BBX: variants seen among roughly 807,000 people sequenced by gnomAD.
BBX encodes BBX high mobility group box domain containing, also known as HMG box transcription factor BBX.
BBX carries 30 observed loss-of-function variants against 100.2 expected under a neutral mutation model. The ratio of observed to expected loss-of-function variants is 0.30; its 90% CI spans 0.22 to 0.41. BBX has a LOEUF of 0.41. Ranked by LOEUF, BBX falls within the 10% of genes least tolerant of loss-of-function variation. The probability of loss-of-function intolerance (pLI) is 1.00; values close to 1 mark genes in which losing one functional copy is unlikely to be tolerated. For synonymous variants in BBX, 376 were observed against 388.1 expected (o/e 0.97, Z 0.37); for missense variants, 1,023 against 1,129.8 (o/e 0.91, Z 1.35).
intron 2 of BBX, among the ~76,000 whole-genome samples, chr3:107,550,593 T>C (rs765676405): frequency 6.6e-6 from 1 of 152,092 alleles, no homozygotes. Flanking sequence ...CAACAGAGTT[T>C]AGGGGCTCCA....
chr3:107,765,185 C>T (rs1186609255), intron 10 of BBX, among the ~76,000 whole-genome samples: 1 of 152,176 alleles, frequency 6.6e-6, no homozygotes, highest in Non-Finnish European at 1.5e-5. Flanking sequence ...TTCCATATGG[C>T]ATAAGGCTCC....
At position 107,778,503 on chromosome 3, in the gene BBX, G is replaced by A. The variant is rs751065797; in HGVS notation, c.2187G>A (p.Pro729=). Reference sequence around the variant, plus strand: ...AGACTGGAAATGTGTCCTCAGAACCGACTAAAACCAGCAAAGGTTAGGTGT... The same window carrying A: ...AGACTGGAAATGTGTCCTCAGAACCAACTAAAACCAGCAAAGGTTAGGTGT... The part of the protein sequence containing the change: ...KKKTGNVSSE[P]TKTSKGPFQS... Residue 729 remains proline (P), a synonymous_variant, in exon 13 of 18, where the codon CCG becomes CCA. Coordinates refer to ENST00000325805, the MANE Select transcript of BBX (RefSeq NM_001142568.3). 11 of 1,612,786 alleles carry A rather than the reference G, an allele frequency of 6.8e-6. No individual in the cohort carries two copies. In the East Asian group the frequency reaches 1.1e-4, roughly 16 times the overall value.
intron 2 of BBX, among the ~76,000 whole-genome samples, chr3:107,592,516 G>A (rs1033877142): frequency 6.6e-6 from 1 of 152,056 alleles, no homozygotes; most frequent in Non-Finnish European, 1.5e-5. Flanking sequence ...TTGGAGTCCA[G>A]TAATACAAGG....
chr3:107,782,548 G>A (rs940867314), intron 13 of BBX, among the ~76,000 whole-genome samples: 4 of 152,020 alleles, frequency 2.6e-5, no homozygotes, highest in African/African-American at 9.7e-5. Flanking sequence ...CCTTGAGAAA[G>A]TATCGTGCTA....
At chr3:107,764,735 G>A (rs1357540494) in intron 10 of BBX, among the ~76,000 whole-genome samples, 1 of 152,228 alleles carries the variant, frequency 6.6e-6, no homozygotes, top group East Asian at 1.9e-4. Flanking sequence ...TTCAAAGCCT[G>A]ATTAATAACT....
At chr3:107,651,836 C>G (rs1167792941) in intron 3 of BBX, among the ~76,000 whole-genome samples, 1 of 152,002 alleles carries the variant, frequency 6.6e-6, no homozygotes, top group Non-Finnish European at 1.5e-5. Context: ...GCTTGAATTT[C>G]TCAACCTGCC....
At chr3:107,591,039 G>C (rs140073027) in intron 2 of BBX, among the ~76,000 whole-genome samples, 205 of 152,320 alleles carry the variant, frequency 1.3e-3, no homozygotes, top group Non-Finnish European at 2.2e-3. Context: ...CAGCTTCCAG[G>C]CATTACCCAC....
rs114994225 is a variant in BBX at position 107,644,978 on chromosome 3, A to G, written c.-83-858A>G. Among the ~76,000 whole-genome samples the G allele has an allele frequency of 6.8e-3, 1,032 of 152,252 alleles. 13 individuals carry two copies. Among genetic ancestry groups the G allele is most frequent in the African/African-American group, 0.024 (982 of 41,554 alleles). Reference sequence around the variant, plus strand: ...GCTAAGCCATAAAATGACTGATATTATATTGATAGAGCCATAAGCCAGAAA... The same window carrying G: ...GCTAAGCCATAAAATGACTGATATTGTATTGATAGAGCCATAAGCCAGAAA... On this transcript the variant is annotated intron_variant, in intron 2 of 17. Coordinates refer to ENST00000325805, the MANE Select transcript of BBX (RefSeq NM_001142568.3).
chr3:107,525,466 A>C (rs2047694393), intron 1 of BBX: 1 of 152,414 alleles, frequency 6.6e-6, no homozygotes, highest in African/African-American at 2.4e-5. Context: ...AAAGGTGTTT[A>C]GCAGACTTTT....
At chr3:107,715,201 C>T (rs1372046815) in intron 4 of BBX, among the ~76,000 whole-genome samples, 26 of 152,138 alleles carry the variant, frequency 1.7e-4, no homozygotes, top group Admixed American at 1.6e-3. Flanking sequence ...AGTTGTGGTT[C>T]TCAGAGAGTG....
chr3:107,728,703 C>A, intron 5 of BBX, 62 bp from the exon 6 acceptor site: 2 of 1,450,676 alleles, frequency 1.4e-6, no homozygotes, highest in Non-Finnish European at 1.9e-6. Flanking sequence ...GGGGTGACAG[C>A]CTTTAGAACT....
rs966425266 is a variant in BBX, at chr3:107,739,305, A to G, written c.670-5325A>G. Among the ~76,000 whole-genome samples, 4 of 152,214 alleles carry G rather than the reference A, an allele frequency of 2.6e-5. No homozygotes were observed. The East Asian group carries it at 7.7e-4, about 29-fold the overall frequency. ...TTGCCCCAGTTCCTACCTGAACCTC[A>G]TCAAAACTTTTATTCCCTTCTCATA... On this transcript the variant is annotated intron_variant, in intron 7 of 17. Coordinates refer to ENST00000325805, the MANE Select transcript of BBX (RefSeq NM_001142568.3).
At chr3:107,799,462 A>C (rs1037682104) in intron 16 of BBX, among the ~76,000 whole-genome samples, 1 of 152,334 alleles carries the variant, frequency 6.6e-6, no homozygotes, top group African/African-American at 2.4e-5. Flanking sequence ...GAATTCCTAG[A>C]AAAGAAAGGT....
intron 2 of BBX, among the ~76,000 whole-genome samples, chr3:107,618,826 G>T (rs1431109168): frequency 1.3e-5 from 2 of 152,038 alleles, no homozygotes; most frequent in African/African-American, 2.4e-5. Context: ...CATGTAGTCT[G>T]TTTTGGTTTG....
intron 10 of BBX, among the ~76,000 whole-genome samples, chr3:107,763,127 C>G (rs541301633): frequency 6.6e-6 from 1 of 152,226 alleles, no homozygotes; most frequent in Admixed American, 6.5e-5. Flanking sequence ...TCTAAAAAGT[C>G]CAAAATCTGA....
intron 13 of BBX, among the ~76,000 whole-genome samples, chr3:107,788,411 A>G (rs1039111424): frequency 2.6e-5 from 4 of 152,272 alleles, no homozygotes; most frequent in Admixed American, 6.5e-5. Flanking sequence ...TGGCCTTCAC[A>G]GCATGGGGGT....
At chr3:107,554,797 G>A (rs536523353) in intron 2 of BBX, among the ~76,000 whole-genome samples, 162 of 152,116 alleles carry the variant, frequency 1.1e-3, no homozygotes, top group African/African-American at 3.5e-3. Context: ...AGCTGGGCGT[G>A]GTGGCTCATG....
chr3:107,658,892 T>A (rs919256877), intron 3 of BBX, among the ~76,000 whole-genome samples: 1 of 152,152 alleles, frequency 6.6e-6, no homozygotes, highest in Non-Finnish European at 1.5e-5. Flanking sequence ...AGCTCATTCT[T>A]GCTTTCAAAG....
At chr3:107,546,514 ACAT>A (rs774448504) in intron 2 of BBX, among the ~76,000 whole-genome samples, 1 of 152,204 alleles carries the variant, frequency 6.6e-6, no homozygotes, top group Non-Finnish European at 1.5e-5. Context: ...TTTTAGGGCT[ACAT>A]CATCTTATCT....
Sources: allele counts gnomAD v4.1 joint callset (sites outside exome capture counted in the v4.1 genomes callset), GRCh38; gene constraint gnomAD v4.1.1; transcripts MANE v1.5; gene names NCBI Gene and HGNC (gene_info 2026-07-23, HGNC 2026-07-21).